ADGRB3: variants seen among roughly 807,000 people sequenced by gnomAD.
The protein encoded by ADGRB3 is adhesion G protein-coupled receptor B3, also known as brain-specific angiogenesis inhibitor 3.
ADGRB3 carries 37 observed loss-of-function variants against 193.4 expected under a neutral mutation model. The ratio of observed to expected loss-of-function variants is 0.19; its 90% confidence interval spans 0.15 to 0.25. The LOEUF is 0.25. Ranked by LOEUF, ADGRB3 falls within the 10% of genes least tolerant of loss-of-function variation. ADGRB3 has a pLI of 1.00. For synonymous variants in ADGRB3, 690 were observed against 644.2 expected (o/e 1.07, Z -1.08); for missense variants, 1,637 against 1,852.9 (o/e 0.88, Z 2.14).
chr6:68,919,484 T>C (rs1170068392), intron 3 of ADGRB3, among the ~76,000 whole-genome samples: 1 of 152,136 alleles, frequency 6.6e-6, no homozygotes, highest in African/African-American at 2.4e-5. Flanking sequence ...GTGACAGTTA[T>C]TTGCCTAAAA....
intron 17 of ADGRB3, among the ~76,000 whole-genome samples, chr6:69,107,828 G>A (rs971441069): frequency 7.2e-5 from 11 of 152,074 alleles, no homozygotes; most frequent in Non-Finnish European, 5.9e-5. Flanking sequence ...CTTATAAGTG[G>A]GAGCTAAACA....
intron 20 of ADGRB3, among the ~76,000 whole-genome samples, chr6:69,261,626 G>A (rs1489379469): frequency 6.6e-6 from 1 of 151,906 alleles, no homozygotes; most frequent in African/African-American, 2.4e-5. Flanking sequence ...GCATAAATAT[G>A]AACCTGTGTC....
intron 3 of ADGRB3, among the ~76,000 whole-genome samples, chr6:68,824,918 G>A (rs1313869762): frequency 6.6e-6 from 1 of 151,794 alleles, no homozygotes; most frequent in Non-Finnish European, 1.5e-5. Context: ...GCAGTGGCGC[G>A]ATCTCCCTCA....
chr6:69,233,229 T>C, intron 17 of ADGRB3, 61 bp from the exon 18 acceptor site: 1 of 1,586,154 alleles, frequency 6.3e-7, no homozygotes, highest in South Asian at 1.1e-5. Context: ...TTTTCTTCTT[T>C]ACGGATTTGG....
rs751825435 is a variant in ADGRB3 at position 69,048,229 on chromosome 6, A to T, written c.2152A>T (p.Ile718Phe). 1 of 1,613,672 alleles carries T rather than the reference A, an allele frequency of 6.2e-7. No homozygotes were observed. The change falls in exon 14 of 32, where the codon ATC becomes TTC. Residue 718 changes from isoleucine (I) to phenylalanine (F), a missense_variant. Physicochemically the swap from Ile to Phe is conservative, Grantham distance 21 (BLOSUM62 0). Around this residue, in one of 7 missense-constraint regions of ADGRB3, gnomAD observed 641 missense variants for 673.9 expected, o/e 0.95. Transcript: ENST00000370598. ...KLPAASVLTD[I>F]NFPMKGRKGM... ...TCCTGCAGCCTCTGTTCTAACAGACATCAACTTTCCAATGAAAGGACGGAA... is the reference window on the plus strand; with the variant it reads ...TCCTGCAGCCTCTGTTCTAACAGACTTCAACTTTCCAATGAAAGGACGGAA...
intron 26 of ADGRB3, 122 bp downstream of exon 26, chr6:69,339,626 T>C (rs1006850208): frequency 2.5e-6 from 3 of 1,205,244 alleles, no homozygotes; most frequent in Non-Finnish European, 2.3e-6. Context: ...TGACAATCAC[T>C]TGGGAATCAA....
At chr6:69,328,156 A>G (rs1036244107) in intron 22 of ADGRB3, among the ~76,000 whole-genome samples, 2 of 152,194 alleles carry the variant, frequency 1.3e-5, no homozygotes, top group African/African-American at 4.8e-5. Context: ...TTTATTTTGC[A>G]TGCCCAATCT....
At chr6:68,744,273 C>T (rs1352000571) in intron 3 of ADGRB3, among the ~76,000 whole-genome samples, 2 of 151,982 alleles carry the variant, frequency 1.3e-5, no homozygotes, top group Admixed American at 1.3e-4. Flanking sequence ...AATAGGAATG[C>T]TTTACACTGT....
chr6:68,897,796 A>G (rs1330263824), intron 3 of ADGRB3, among the ~76,000 whole-genome samples: 2 of 144,466 alleles, frequency 1.4e-5, no homozygotes, highest in African/African-American at 5.6e-5. Context: ...AGGGGGAAAG[A>G]GAAACAGAAA....
intron 10 of ADGRB3, among the ~76,000 whole-genome samples, chr6:68,989,810 T>G (rs949995608): frequency 4.6e-5 from 7 of 152,136 alleles, no homozygotes; most frequent in African/African-American, 1.7e-4. Flanking sequence ...AATTTAAAAC[T>G]TAAAAAGTTG....
chr6:68,831,817 C>T (rs1048122121), intron 3 of ADGRB3, among the ~76,000 whole-genome samples: 1 of 152,156 alleles, frequency 6.6e-6, no homozygotes, highest in Non-Finnish European at 1.5e-5. Context: ...GAATTACATC[C>T]TCTGCCTTAA....
chr6:68,661,196 T>C, intron 3 of ADGRB3, among the ~76,000 whole-genome samples: 1 of 149,252 alleles, frequency 6.7e-6, no homozygotes. Context: ...AGCCACTGAA[T>C]ATAAATAGGG....
At chr6:68,829,184 C>T (rs1767908171) in intron 3 of ADGRB3, among the ~76,000 whole-genome samples, 1 of 146,546 alleles carries the variant, frequency 6.8e-6, no homozygotes, top group African/African-American at 2.5e-5. Flanking sequence ...ACTGAAACCT[C>T]TGCCTCCTGG....
intron 3 of ADGRB3, among the ~76,000 whole-genome samples, chr6:68,730,923 A>G (rs1431887389): frequency 6.6e-6 from 1 of 151,658 alleles, no homozygotes; most frequent in Non-Finnish European, 1.5e-5. Flanking sequence ...CTGCTTGGAT[A>G]TCAAACACTG....
chr6:68,956,004 C>A lies in ADGRB3; in HGVS notation c.1196-20C>A, dbSNP rs1333925412. 1 of 1,609,370 alleles carries A rather than the reference C, an allele frequency of 6.2e-7. No individual in the cohort carries two copies. The highest frequency in any genetic ancestry group is 1.1e-5 in the South Asian group (1 of 90,640). On this transcript the variant is annotated intron_variant, in intron 6 of 31. Transcript: ENST00000370598. Reference sequence around the variant, plus strand: ...CTATTGGAAGATATCCTCATGCTGTCTCTTTTTCTGCTTTGGTAGTTGATG... The same window carrying A: ...CTATTGGAAGATATCCTCATGCTGTATCTTTTTCTGCTTTGGTAGTTGATG...
At chr6:69,206,541 T>G (rs978360679) in intron 17 of ADGRB3, among the ~76,000 whole-genome samples, 2 of 152,116 alleles carry the variant, frequency 1.3e-5, no homozygotes, top group Admixed American at 6.5e-5. Flanking sequence ...AATAATAAGG[T>G]CATAATTATG....
At chr6:68,660,305 G>A (rs1036730640) in intron 3 of ADGRB3, among the ~76,000 whole-genome samples, 2 of 148,790 alleles carry the variant, frequency 1.3e-5, no homozygotes, top group Non-Finnish European at 3.0e-5. Context: ...ACCTTTTTTA[G>A]TGAATCTTTT....
intron 23 of ADGRB3, among the ~76,000 whole-genome samples, chr6:69,331,119 G>T (rs1052166812): frequency 1.3e-5 from 2 of 152,002 alleles, no homozygotes; most frequent in Admixed American, 1.3e-4. Context: ...GTACCCCCTA[G>T]TCATAACACT....
intron 3 of ADGRB3, among the ~76,000 whole-genome samples, chr6:68,787,738 C>A (rs1173287186): frequency 6.6e-6 from 1 of 152,138 alleles, no homozygotes; most frequent in Non-Finnish European, 1.5e-5. Context: ...GCTACCAGCT[C>A]CTATTTGTAC....
Sources: gnomAD v4.1 joint callset for allele counts (sites outside exome capture counted in the v4.1 genomes callset) on GRCh38, gnomAD v4.1.1 for gene constraint, gnomAD v4.1.1 regional missense constraint, MANE v1.5 for transcripts, NCBI Gene and HGNC (gene_info 2026-07-23, HGNC 2026-07-21) for gene names.